The following OR3A2 variants were observed in gnomAD, a reference collection of about 807,000 sequenced individuals.
OR3A2 encodes olfactory receptor 3A2.
For missense variants in OR3A2, 318 were observed against 392.8 expected (o/e 0.81, Z 1.61); for synonymous variants, 126 against 159.3 (o/e 0.79, Z 1.57).
At chr17:3,366,003 G>A (rs1468182865) in intron 2 of OR3A2, among the ~76,000 whole-genome samples, 1 of 152,174 alleles carries the variant, frequency 6.6e-6, no homozygotes, top group Non-Finnish European at 1.5e-5. Flanking sequence ...ACCACTGCTA[G>A]AATGAATGAT....
chr17:3,308,105 T>C (rs1049440117), intron 3 of OR3A2, among the ~76,000 whole-genome samples: 1 of 152,232 alleles, frequency 6.6e-6, no homozygotes, highest in Non-Finnish European at 1.5e-5. Context: ...AAGAAGGCTG[T>C]ACTTGGAAAC....
intron 3 of OR3A2, among the ~76,000 whole-genome samples, chr17:3,335,454 T>G (rs1219536000): frequency 6.6e-6 from 1 of 152,194 alleles, no homozygotes; most frequent in Non-Finnish European, 1.5e-5. Context: ...CAACACTATG[T>G]ATTGAGTATT....
chr17:3,379,422 AAC>A (rs1293876306), intron 2 of OR3A2, among the ~76,000 whole-genome samples: 1 of 152,194 alleles, frequency 6.6e-6, no homozygotes, highest in Non-Finnish European at 1.5e-5. Context: ...GCAAAGGAGT[AAC>A]AGAGAGCGCC....
chr17:3,376,313 T>A (rs545685605), intron 2 of OR3A2, among the ~76,000 whole-genome samples: 2 of 152,270 alleles, frequency 1.3e-5, no homozygotes, highest in East Asian at 3.9e-4. Context: ...CCAGGATAAA[T>A]AATGGGGTTT....
chr17:3,350,723 A>G (rs58652658), intron 2 of OR3A2, among the ~76,000 whole-genome samples: 22,674 of 151,172 alleles, frequency 0.15, 2,217 homozygotes, highest in African/African-American at 0.28. Flanking sequence ...GGGCAGAGAC[A>G]CAACCAAAAG....
chr17:3,277,864 C>A, exon 2 of OR3A2: 1 of 1,203,178 alleles, frequency 8.3e-7, no homozygotes, highest in Non-Finnish European at 1.2e-6. Flanking sequence ...CTTCAAGCAT[C>A]AGGAGATAGG....
intron 2 of OR3A2, among the ~76,000 whole-genome samples, chr17:3,351,507 A>G (rs2150653991): frequency 1.0e-5 from 1 of 97,978 alleles, no homozygotes; most frequent in East Asian, 2.7e-4. Context: ...GGAGAACTAC[A>G]AACCACTGCT....
At chr17:3,316,774 G>T (rs545351285) in intron 3 of OR3A2, among the ~76,000 whole-genome samples, 16 of 152,300 alleles carry the variant, frequency 1.1e-4, no homozygotes, top group Admixed American at 2.0e-4. Context: ...AATCATCAAA[G>T]AATTCAAAAC....
In OR3A2 at chr17:3,311,537, T is replaced by C; in HGVS notation, c.-85+24496A>G. The C allele has an allele frequency of 4.6e-6, 2 of 431,080 alleles. No homozygotes were observed. The highest frequency in any genetic ancestry group is 9.4e-6 in the Non-Finnish European group (2 of 213,356). 26.7% of individuals were successfully genotyped at this position (431,080 alleles called of 1,614,324 possible). A position where few individuals can be genotyped will look rare whatever the true frequency, so the allele number is the denominator to read the frequency against. ...GTGGTCAACCACTTCTACTGTGACCTCCCACCTCTTTTCCAGCTCTCTTGC... is the reference window on the plus strand; with the variant it reads ...GTGGTCAACCACTTCTACTGTGACCCCCCACCTCTTTTCCAGCTCTCTTGC... On this transcript the variant is annotated intron_variant, in intron 3 of 4. Coordinates refer to the OR3A2 transcript ENST00000573491. The surrounding 1 kb of genome is among the most constrained non-coding windows in gnomAD (Gnocchi z 4.6).
chr17:3,338,053 T>C (rs1403294232), intron 2 of OR3A2, among the ~76,000 whole-genome samples: 1 of 152,278 alleles, frequency 6.6e-6, no homozygotes, highest in East Asian at 1.9e-4. Flanking sequence ...TCACGTGCTG[T>C]TGGCTGCATA....
chr17:3,369,906 C>A (rs2049598314), intron 2 of OR3A2, among the ~76,000 whole-genome samples: 1 of 151,148 alleles, frequency 6.6e-6, no homozygotes, highest in Non-Finnish European at 1.5e-5. Flanking sequence ...CAGGTCCAAG[C>A]TATCCTCCCA....
intron 2 of OR3A2, among the ~76,000 whole-genome samples, chr17:3,369,394 C>T (rs933277979): frequency 6.6e-6 from 1 of 152,104 alleles, no homozygotes; most frequent in African/African-American, 2.4e-5. Context: ...GCTTTTATTA[C>T]CTTAAGCCAT....
At chr17:3,328,738 A>G (rs2049199885) in intron 3 of OR3A2, among the ~76,000 whole-genome samples, 1 of 140,032 alleles carries the variant, frequency 7.1e-6, no homozygotes, top group South Asian at 2.3e-4. Context: ...TCCCATCAAT[A>G]CCTAATTTAT....
At chr17:3,377,079 C>T (rs2170688) in intron 2 of OR3A2, among the ~76,000 whole-genome samples, 1 of 152,098 alleles carries the variant, frequency 6.6e-6, no homozygotes, top group Non-Finnish European at 1.5e-5. Context: ...TTTTCAGCTG[C>T]CTTGCAGAGT....
chr17:3,375,310 T>C (rs894173597), intron 2 of OR3A2, among the ~76,000 whole-genome samples: 2 of 145,670 alleles, frequency 1.4e-5, no homozygotes, highest in African/African-American at 5.0e-5. Flanking sequence ...CTTTTTTTTT[T>C]TTTTTTCTTT....
At chr17:3,323,258 G>C (rs1180966114) in intron 3 of OR3A2, among the ~76,000 whole-genome samples, 1 of 152,112 alleles carries the variant, frequency 6.6e-6, no homozygotes. Context: ...GCTTATGTGT[G>C]TCTCTGCACG....
At chr17:3,338,398 G>C (rs945411303) in intron 2 of OR3A2, among the ~76,000 whole-genome samples, 1 of 152,080 alleles carries the variant, frequency 6.6e-6, no homozygotes. Flanking sequence ...GGTTTTTATG[G>C]TTTTAGGCCT....
intron 3 of OR3A2, among the ~76,000 whole-genome samples, chr17:3,305,487 T>C (rs1036221762): frequency 2.0e-5 from 3 of 152,156 alleles, no homozygotes; most frequent in African/African-American, 4.8e-5. Context: ...AGAGTATCAA[T>C]GGAAGAGACG....
chr17:3,335,064 CT>C (rs2049267279), intron 3 of OR3A2, among the ~76,000 whole-genome samples: 2 of 152,094 alleles, frequency 1.3e-5, no homozygotes, highest in African/African-American at 2.4e-5. Flanking sequence ...TTTGCCTTTT[CT>C]GCTTATGAGT....
Sources: gnomAD v4.1 joint callset for allele counts (sites outside exome capture counted in the v4.1 genomes callset) on GRCh38, gnomAD v4.1.1 for gene constraint, Gnocchi (gnomAD v3.1) non-coding constraint, MANE v1.5 for transcripts, NCBI Gene and HGNC (gene_info 2026-07-23, HGNC 2026-07-21) for gene names.